VSTM1: variants seen among roughly 807,000 people sequenced by gnomAD.
The protein encoded by VSTM1 is V-set and transmembrane domain containing 1, also known as V-set and transmembrane domain-containing protein 1.
VSTM1 carries 27 observed loss-of-function variants against 33.1 expected under a neutral mutation model. The observed-to-expected ratio is 0.82, with a 90% CI of 0.60 to 1.12. VSTM1 has a LOEUF of 1.12. VSTM1 is among the 50% of genes most tolerant of loss of function. The pLI is 0.00. For missense variants in VSTM1, 304 were observed against 288.9 expected (o/e 1.05, Z -0.38); for synonymous variants, 115 against 110.3 (o/e 1.04, Z -0.27).
At chr19:54,041,215 T>C in intron 8 of VSTM1, 135 bp from the exon 9 acceptor site, 1 of 851,740 alleles carries the variant, frequency 1.2e-6, no homozygotes, top group Non-Finnish European at 1.6e-6. Flanking sequence ...ACCAGATGCA[T>C]TTCTTTTTCT....
chr19:54,060,463 AC>A (rs1208705206), intron 1 of VSTM1, among the ~76,000 whole-genome samples: 1 of 151,758 alleles, frequency 6.6e-6, no homozygotes, highest in African/African-American at 2.4e-5. Context: ...ACAGAACGTG[AC>A]CCCCCACCAA....
intron 4 of VSTM1, among the ~76,000 whole-genome samples, chr19:54,051,027 C>T (rs10424750): frequency 0.048 from 7,284 of 151,750 alleles, 555 homozygotes; most frequent in African/African-American, 0.17. Flanking sequence ...TGTGCGGTGG[C>T]TCACGCCTGT....
intron 4 of VSTM1, among the ~76,000 whole-genome samples, chr19:54,045,626 CATCT>C (rs553250063): frequency 2.9e-4 from 43 of 150,876 alleles, no homozygotes; most frequent in African/African-American, 1.0e-3. Flanking sequence ...TATCATCTAT[CATCT>C]ATCATCTGTA....
In VSTM1 at chr19:54,063,806, C is replaced by G. The variant is rs762043212; in HGVS notation, c.-29G>C. ...GTCCCTTCTGCCAGAACCAAGGCCC[C>G]GCCTTGGGTTTTACCCTTCAAAGGC... On this transcript the variant is annotated 5_prime_UTR_variant, in exon 1 of 9. Coordinates refer to ENST00000338372, the MANE Select transcript of VSTM1 (RefSeq NM_198481.4). 1.2e-6 allele frequency: 2 copies of G among 1,613,006 alleles called. No individual in the cohort carries two copies. The highest frequency in any genetic ancestry group is 1.7e-5 in the Admixed American group (1 of 59,832).
At chr19:54,048,147 G>T (rs554114120) in intron 4 of VSTM1, among the ~76,000 whole-genome samples, 4 of 152,016 alleles carry the variant, frequency 2.6e-5, no homozygotes, top group Non-Finnish European at 5.9e-5. Flanking sequence ...ACAGGGTCTC[G>T]CTCTGTCACC....
chr19:54,050,744 C>T (rs1600133380), intron 4 of VSTM1, among the ~76,000 whole-genome samples: 1 of 152,040 alleles, frequency 6.6e-6, no homozygotes, highest in Admixed American at 6.6e-5. Context: ...CTTTGAGAGG[C>T]CGAGGCGGGG....
intron 3 of VSTM1, among the ~76,000 whole-genome samples, chr19:54,054,821 G>C (rs1318279692): frequency 7.6e-6 from 1 of 131,752 alleles, no homozygotes; most frequent in Admixed American, 8.0e-5. Context: ...GGAAGGGTTG[G>C]TGGTTGGATG....
At chr19:54,046,971 A>G (rs112592209) in intron 4 of VSTM1, among the ~76,000 whole-genome samples, 9,108 of 152,044 alleles carry the variant, frequency 0.06, 321 homozygotes, top group East Asian at 0.11. Context: ...CGAGGCAGGC[A>G]GAGCACCTGA....
chr19:54,051,357 T>C (rs1264698231), intron 4 of VSTM1, 53 bp downstream of exon 4: 13 of 1,429,784 alleles, frequency 9.1e-6, no homozygotes, highest in Non-Finnish European at 1.3e-5. Flanking sequence ...TAAGCAAAGG[T>C]GATCATGAAG....
chr19:54,061,016 C>CTTTTTTTTTT (rs10693760), intron 1 of VSTM1, among the ~76,000 whole-genome samples: 3 of 115,028 alleles, frequency 2.6e-5, no homozygotes, highest in South Asian at 2.9e-4. Context: ...TTTTTCTTTT[C>CTTTTTTTTTT]TTTTTTTTTT....
Position 54,042,369 on chromosome 19 carries a change from T to C in VSTM1, c.395A>G (p.Asp132Gly). 1.2e-6 allele frequency: 2 copies of C among 1,613,058 alleles called. No homozygotes were observed. The highest frequency in any genetic ancestry group is 1.7e-6 in the Non-Finnish European group (2 of 1,179,700). The change falls in exon 5 of 9, where the codon GAC becomes GGC. Residue 132 changes from aspartate (D) to glycine (G), a missense_variant and splice_region_variant. Coordinates refer to ENST00000338372, the MANE Select transcript of VSTM1 (RefSeq NM_198481.4). ...DELEAPSMKT[D>G]TRTIFVAIFS... The stretch of plus-strand genomic sequence containing the variant: ...GATGGCGACAAAGATGGTTCTGGTG[T>C]CTGGAGGGGGAAGAGCAGGTCAGGG...
At chr19:54,057,148 G>A (rs1453723478) in intron 3 of VSTM1, among the ~76,000 whole-genome samples, 3 of 138,690 alleles carry the variant, frequency 2.2e-5, no homozygotes, top group African/African-American at 7.9e-5. Flanking sequence ...GAGCCACCGC[G>A]CCGTGCCTGG....
At chr19:54,043,182 G>A (rs1451971080) in intron 4 of VSTM1, among the ~76,000 whole-genome samples, 1 of 151,944 alleles carries the variant, frequency 6.6e-6, no homozygotes, top group African/African-American at 2.4e-5. Context: ...CACTGTCATA[G>A]GGGTGGGCCT....
chr19:54,044,356 C>T (rs1220268074), intron 4 of VSTM1, among the ~76,000 whole-genome samples: 4 of 152,018 alleles, frequency 2.6e-5, no homozygotes, highest in Non-Finnish European at 5.9e-5. Flanking sequence ...GTCTGGAGTT[C>T]GAGACCAGCC....
At chr19:54,044,996 C>T (rs1410494892) in intron 4 of VSTM1, among the ~76,000 whole-genome samples, 30 of 152,146 alleles carry the variant, frequency 2.0e-4, no homozygotes, top group East Asian at 1.9e-4. Flanking sequence ...CCAAGACCCC[C>T]GCTATCTTTG....
rs1249839212 is a variant in VSTM1, at chr19:54,054,632, T to TG, written c.356-3185dup. Among the ~76,000 whole-genome samples, 22 of 125,710 alleles carry TG rather than the reference T, an allele frequency of 1.8e-4. 1 individual carries two copies. Among genetic ancestry groups the TG allele is most frequent in the South Asian group, 5.4e-4 (2 of 3,720 alleles). 82.5% of individuals were successfully genotyped at this position (125,710 alleles called of 152,430 possible). A position where few individuals can be genotyped will look rare whatever the true frequency, so the allele number is the denominator to read the frequency against. On this transcript the variant is annotated intron_variant, in intron 3 of 8. Transcript: ENST00000338372. The stretch of plus-strand genomic sequence containing the variant: ...GTTTAGTGACTAATAAATGAATGGA[T>TG]GAATGGATGGATGGATGGATGGATG...
chr19:54,058,286 A>G lies in VSTM1; in HGVS notation c.355+20T>C. 1.2e-6 allele frequency: 2 copies of G among 1,604,392 alleles called. No individual in the cohort carries two copies. The highest frequency in any genetic ancestry group is 1.1e-5 in the South Asian group (1 of 90,744). ...AACCAAAGAAATGTGTGCATCAAAG[A>G]GTACATCTGCCCTTCTCACCTGTGA... On this transcript the variant is annotated intron_variant, in intron 3 of 8. Transcript: ENST00000338372.
intron 1 of VSTM1, 129 bp downstream of exon 1, chr19:54,063,615 C>T: frequency 2.5e-6 from 3 of 1,187,024 alleles, no homozygotes; most frequent in Non-Finnish European, 3.7e-6. Flanking sequence ...CAGCCCAGAC[C>T]CACCCACCGC....
chr19:54,048,297 G>T, intron 4 of VSTM1: 1 of 337,070 alleles, frequency 3.0e-6, no homozygotes, highest in South Asian at 2.1e-5. Context: ...TGTATTTTTT[G>T]TAGAGATGGG....
Sources: allele counts gnomAD v4.1 joint callset (sites outside exome capture counted in the v4.1 genomes callset), GRCh38; gene constraint gnomAD v4.1.1; transcripts MANE v1.5; gene names NCBI Gene and HGNC (gene_info 2026-07-23, HGNC 2026-07-21).